Variants in CRYAB observed in about 807,000 individuals in gnomAD.
CRYAB encodes the protein crystallin alpha B, also known as alpha-crystallin B chain.
In CRYAB, 9 loss-of-function variants were observed where a neutral mutation model predicts 12.7. The ratio of observed to expected loss-of-function variants is 0.71; its 90% CI spans 0.43 to 1.24. CRYAB has a LOEUF of 1.24. CRYAB is among the 50% of genes most tolerant of loss of function. The pLI is 0.00. For synonymous variants in CRYAB, 93 were observed against 86.8 expected, an observed-to-expected ratio of 1.07 and a Z score of -0.40; for missense variants, 183 against 226.6, an observed-to-expected ratio of 0.81 and a Z score of 1.24.
At chr11:111,916,045 CA>C (rs1358165701), upstream of CRYAB, among the ~76,000 whole-genome samples, 4 of 151,982 alleles carry the variant, frequency 2.6e-5, no homozygotes, top group Non-Finnish European at 5.9e-5. Context: ...CCTGGCCTTC[CA>C]TTTTCTTTTT....
rs2137381927 is a variant in CRYAB at position 111,910,384 on chromosome 11, G to A, written c.267C>T (p.Leu89=). The change falls in exon 2 of 3, where the codon CTC becomes CTT. Residue 89 remains leucine (L), a synonymous_variant. Transcript: ENST00000650687. ...TCACATCTCCCAACACCTTAACTTT[G>A]AGTTCCTCTGGGGAGAAGTGCTTCA... ...LDVKHFSPEE[L]KVKVLGDVIE... 3 of 1,614,174 alleles carry A rather than the reference G, an allele frequency of 1.9e-6. No homozygotes were observed. Among genetic ancestry groups the A allele is most frequent in the Non-Finnish European group, 2.5e-6 (3 of 1,180,030 alleles).
chr11:111,911,049 G>A (rs1015504096), intron 1 of CRYAB, among the ~76,000 whole-genome samples: 3 of 152,168 alleles, frequency 2.0e-5, no homozygotes, highest in Non-Finnish European at 4.4e-5. Flanking sequence ...CCAGCGCCCT[G>A]TCGTAGCCCT....
At chr11:111,913,004 CACCCCACTCTGGGCTT>C, upstream of CRYAB, 1 of 1,059,892 alleles carries the variant, frequency 9.4e-7, no homozygotes, top group Non-Finnish European at 1.4e-6. Flanking sequence ...TGCTGGCCTC[CACCCCACTCTGGGCTT>C]AACTGATCTC....
chr11:111,913,385 C>T, upstream of CRYAB: 4 of 1,382,740 alleles, frequency 2.9e-6, no homozygotes, highest in Non-Finnish European at 4.0e-6. Context: ...CCATTTCGCC[C>T]CTGTGCCAGC....
upstream of CRYAB, among the ~76,000 whole-genome samples, chr11:111,916,139 C>T (rs148419924): frequency 7.0e-3 from 1,064 of 152,224 alleles, 5 homozygotes; most frequent in Middle Eastern, 0.051. Flanking sequence ...GGAAAACAAA[C>T]ACAATGGTTT....
chr11:111,913,865 A>AGAG, upstream of CRYAB: 1 of 1,612,240 alleles, frequency 6.2e-7, no homozygotes, highest in Non-Finnish European at 8.5e-7. Context: ...ATCCAGAGGA[A>AGAG]GAGGAGGAGG....
At chr11:111,915,026 C>T (rs1266878168), upstream of CRYAB, among the ~76,000 whole-genome samples, 5 of 152,034 alleles carry the variant, frequency 3.3e-5, no homozygotes, top group African/African-American at 4.8e-5. Flanking sequence ...GCTGAGATTG[C>T]GCCACTGCAC....
At chr11:111,912,793 T>C, upstream of CRYAB, 3 of 1,524,726 alleles carry the variant, frequency 2.0e-6, no homozygotes, top group Non-Finnish European at 2.7e-6. Flanking sequence ...CTGTTGGGGC[T>C]GCACCTCGGA....
At chr11:111,917,460 G>A (rs1965614424), upstream of CRYAB, among the ~76,000 whole-genome samples, 1 of 152,070 alleles carries the variant, frequency 6.6e-6, no homozygotes, top group African/African-American at 2.4e-5. Flanking sequence ...GGCGTGGTGG[G>A]AGGGTCACTT....
chr11:111,915,593 A>G (rs1555166058), upstream of CRYAB, among the ~76,000 whole-genome samples: 1 of 152,236 alleles, frequency 6.6e-6, no homozygotes, highest in African/African-American at 2.4e-5. Context: ...TATTTAAAGG[A>G]AAGGGTTTCC....
upstream of CRYAB, chr11:111,912,511 C>T: frequency 2.1e-6 from 1 of 469,164 alleles, no homozygotes; most frequent in African/African-American, 2.0e-5. Flanking sequence ...CCTCTTCATG[C>T]CCCAGGCACC....
chr11:111,913,468 C>G, upstream of CRYAB: 2 of 1,611,418 alleles, frequency 1.2e-6, no homozygotes, highest in Non-Finnish European at 8.5e-7. Context: ...ATCCTGACCC[C>G]CACACTCTAC....
chr11:111,913,538 CT>C (rs1566414678), upstream of CRYAB: 1 of 1,614,150 alleles, frequency 6.2e-7, no homozygotes, highest in Admixed American at 1.7e-5. Context: ...GGGCAGGGGC[CT>C]CCGAGCTTAG....
chr11:111,923,155 G>A (rs587762305), intron 1 of CRYAB, among the ~76,000 whole-genome samples: 45 of 152,306 alleles, frequency 3.0e-4, no homozygotes, highest in South Asian at 1.9e-3. Flanking sequence ...AGATTATCTC[G>A]TTCTTAGGAT....
chr11:111,909,402 C>T, intron 2 of CRYAB: 1 of 357,886 alleles, frequency 2.8e-6, no homozygotes, highest in Non-Finnish European at 5.4e-6. Flanking sequence ...AAAATGACTC[C>T]ATCCAAGGAG....
At chr11:111,911,978 T>TAA, upstream of CRYAB, 1 of 496,290 alleles carries the variant, frequency 2.0e-6, no homozygotes, top group Non-Finnish European at 3.7e-6. Context: ...GTCATGGTCT[T>TAA]GTTTCACTAG....
At chr11:111,923,137 G>C (rs1965726842) in intron 1 of CRYAB, among the ~76,000 whole-genome samples, 1 of 152,216 alleles carries the variant, frequency 6.6e-6, no homozygotes, top group Non-Finnish European at 1.5e-5. Flanking sequence ...AAGTGGCAAA[G>C]AATTAGAAGA....
At chr11:111,911,389 C>T in intron 1 of CRYAB, 135 bp downstream of exon 1, 1 of 839,534 alleles carries the variant, frequency 1.2e-6, no homozygotes, top group South Asian at 1.5e-5. Context: ...GCACTAGCAA[C>T]CTCCTCATTT....
At chr11:111,912,782 C>T (rs782753318), upstream of CRYAB, 23 of 1,472,314 alleles carry the variant, frequency 1.6e-5, no homozygotes, top group Non-Finnish European at 2.0e-5. Context: ...TCGCGCTGCG[C>T]CTGTTGGGGC....
Sources: allele counts gnomAD v4.1 joint callset (sites outside exome capture counted in the v4.1 genomes callset), GRCh38; gene constraint gnomAD v4.1.1; transcripts MANE v1.5; gene names NCBI Gene and HGNC (gene_info 2026-07-23, HGNC 2026-07-21).